The following SOBP variants were observed in gnomAD, a reference collection of about 807,000 sequenced individuals.
The protein encoded by SOBP is sine oculis binding protein homolog.
Under a neutral mutation model 53.6 loss-of-function variants are expected in SOBP, and 4 were observed. The observed-to-expected ratio is 0.07, with a 90% CI of 0.04 to 0.17. SOBP has a LOEUF of 0.17. Among genes scored for constraint, SOBP ranks in the 10% least tolerant of loss-of-function variants. SOBP has a pLI of 1.00. For missense variants in SOBP, 1,088 were observed against 1,204.7 expected (o/e 0.90, Z 1.43); for synonymous variants, 584 against 522.6 (o/e 1.12, Z -1.60).
In SOBP at chr6:107,634,573, C is replaced by T. The variant is rs200685194; in HGVS notation, c.1729C>T (p.Pro577Ser). 1.0e-3 allele frequency: 1,619 copies of T among 1,605,474 alleles called. 1 individual carries two copies. The highest frequency in any genetic ancestry group is 1.3e-3 in the Non-Finnish European group (1,517 of 1,179,706). ...PGDSAAAGGK[P>S]SGHSLSPRDS... ...CGACTCCGCGGCGGCGGGCGGCAAGCCAAGCGGACACTCCCTGTCCCCCCG... is the reference window on the plus strand; with the variant it reads ...CGACTCCGCGGCGGCGGGCGGCAAGTCAAGCGGACACTCCCTGTCCCCCCG... Residue 577 changes from proline (P) to serine (S), a missense_variant, in exon 6 of 7, where the codon CCA becomes TCA. Pro to Ser is a moderately conservative substitution (Grantham distance 74, BLOSUM62 -1). Coordinates refer to ENST00000317357, the MANE Select transcript of SOBP (RefSeq NM_018013.4). This position sits in a 1 kb window ranked among gnomAD's most constrained non-coding sequence, Gnocchi z 4.5.
chr6:107,601,974 C>G (rs528365051), intron 5 of SOBP, among the ~76,000 whole-genome samples: 1 of 152,314 alleles, frequency 6.6e-6, no homozygotes, highest in South Asian at 2.1e-4. Flanking sequence ...TGTAATTGCA[C>G]ATTAAGAAAG....
intron 5 of SOBP, among the ~76,000 whole-genome samples, chr6:107,597,630 A>G (rs1039865588): frequency 1.3e-5 from 2 of 152,230 alleles, no homozygotes; most frequent in Non-Finnish European, 2.9e-5. Context: ...ATGCATAAAA[A>G]TAAATAACAT....
intron 5 of SOBP, among the ~76,000 whole-genome samples, chr6:107,622,944 C>A (rs1275528040): frequency 6.6e-6 from 1 of 152,168 alleles, no homozygotes; most frequent in Admixed American, 6.6e-5. Flanking sequence ...AATTCCCCCC[C>A]ATGCCCTGTG....
rs1772009308 is a variant in SOBP, at chr6:107,655,809, G to A, written c.*4-2398G>A. Among the ~76,000 whole-genome samples the A allele has an allele frequency of 2.6e-5, 4 of 152,154 alleles. No homozygotes were observed. The South Asian group carries it at 6.2e-4, about 24-fold the overall frequency. On this transcript the variant is annotated intron_variant, in intron 6 of 6. Transcript: ENST00000317357. Reference sequence around the variant, plus strand: ...TTCTTTAAGTAGGCTGATGCTGTCCGTGTTTGGTCTTTGTCCAAAGGTGAT... The same window carrying A: ...TTCTTTAAGTAGGCTGATGCTGTCCATGTTTGGTCTTTGTCCAAAGGTGAT...
chr6:107,606,385 G>A (rs1289914108), intron 5 of SOBP, among the ~76,000 whole-genome samples: 10 of 152,042 alleles, frequency 6.6e-5, no homozygotes, highest in Non-Finnish European at 1.5e-5. Context: ...CCCCTAGATA[G>A]CACTCTTATC....
intron 5 of SOBP, among the ~76,000 whole-genome samples, chr6:107,594,779 T>C (rs1256102226): frequency 6.6e-6 from 1 of 152,200 alleles, no homozygotes; most frequent in African/African-American, 2.4e-5. Context: ...CACCGTAACT[T>C]TTCTAAGTAG....
chr6:107,534,052 A>G (rs1461617347), intron 4 of SOBP, among the ~76,000 whole-genome samples: 1 of 152,214 alleles, frequency 6.6e-6, no homozygotes, highest in Non-Finnish European at 1.5e-5. Flanking sequence ...TCTTTTCAAA[A>G]TCTGGCCCAC....
At chr6:107,531,317 T>C (rs1185210365) in intron 3 of SOBP, among the ~76,000 whole-genome samples, 1 of 152,256 alleles carries the variant, frequency 6.6e-6, no homozygotes, top group Admixed American at 6.5e-5. Flanking sequence ...TTCACCAGAA[T>C]CAAGCTTACT....
chr6:107,622,937 T>G (rs1296569657), intron 5 of SOBP, among the ~76,000 whole-genome samples: 1 of 152,102 alleles, frequency 6.6e-6, no homozygotes, highest in Non-Finnish European at 1.5e-5. Context: ...AGTTAATAAT[T>G]CCCCCCCATG....
chr6:107,516,116 G>A (rs866276702), intron 3 of SOBP, among the ~76,000 whole-genome samples: 6 of 152,210 alleles, frequency 3.9e-5, no homozygotes, highest in Admixed American at 1.3e-4. Flanking sequence ...CCAATATTAC[G>A]TAATAGTGAA....
intron 5 of SOBP, among the ~76,000 whole-genome samples, chr6:107,598,487 G>A (rs1259674273): frequency 3.3e-5 from 5 of 152,170 alleles, no homozygotes; most frequent in South Asian, 2.1e-4. Flanking sequence ...GGGCCAGTTG[G>A]GAGACAGCCT....
chr6:107,623,460 G>A (rs1770309224), intron 5 of SOBP, among the ~76,000 whole-genome samples: 2 of 152,152 alleles, frequency 1.3e-5, no homozygotes, highest in South Asian at 4.1e-4. Context: ...TAAAGAGAAT[G>A]TTCTCTACAC....
intron 3 of SOBP, among the ~76,000 whole-genome samples, chr6:107,517,800 C>T (rs2114966069): frequency 6.6e-6 from 1 of 152,252 alleles, no homozygotes; most frequent in East Asian, 1.9e-4. Flanking sequence ...ATCTTGAATA[C>T]ACCAATATTT....
At chr6:107,572,325 G>A (rs895140298) in intron 4 of SOBP, among the ~76,000 whole-genome samples, 7 of 133,130 alleles carry the variant, frequency 5.3e-5, no homozygotes, top group Non-Finnish European at 8.4e-5. Flanking sequence ...TTTTTTTAAG[G>A]CAGAGTTTTG....
At chr6:107,628,537 T>G (rs1381583919) in intron 5 of SOBP, among the ~76,000 whole-genome samples, 1 of 152,168 alleles carries the variant, frequency 6.6e-6, no homozygotes, top group Non-Finnish European at 1.5e-5. Context: ...ATAAAACACA[T>G]GTAAAACATG....
chr6:107,541,356 AT>A (rs1254869561), intron 4 of SOBP, among the ~76,000 whole-genome samples: 2 of 152,198 alleles, frequency 1.3e-5, no homozygotes, highest in Admixed American at 6.5e-5. Context: ...ATTTAAAGGT[AT>A]TTAACCACCT....
intron 5 of SOBP, among the ~76,000 whole-genome samples, chr6:107,592,109 T>C (rs1395850858): frequency 1.3e-5 from 2 of 152,136 alleles, no homozygotes; most frequent in Non-Finnish European, 1.5e-5. Context: ...TGGTTATATA[T>C]TGTGCTTTTC....
rs1782548664 is a variant in SOBP, at chr6:107,490,488, C to G, written c.-129C>G. 1.4e-6 allele frequency: 1 copy of G among 698,898 alleles called. No individual in the cohort carries two copies. The highest frequency in any genetic ancestry group is 2.8e-5 in the East Asian group (1 of 35,762). The allele number at this position is 698,898 out of a possible 1,614,324, so 43.3% of individuals were successfully genotyped here. A position where few individuals can be genotyped will look rare whatever the true frequency, so the allele number is the denominator to read the frequency against. ...CCTCCCCCTCGCGGCTCGGTCCGGC[C>G]CCGCCAGCACCGCTACCTCCGCCAG... On this transcript the variant is annotated 5_prime_UTR_variant, in exon 1 of 7. Transcript: ENST00000317357.
intron 6 of SOBP, among the ~76,000 whole-genome samples, chr6:107,653,610 A>C (rs183943583): frequency 6.6e-6 from 1 of 152,352 alleles, no homozygotes; most frequent in East Asian, 1.9e-4. Flanking sequence ...TTGCCTTCTA[A>C]ATGAGGAAGA....
Sources: gnomAD v4.1 joint callset for allele counts (sites outside exome capture counted in the v4.1 genomes callset) on GRCh38, gnomAD v4.1.1 for gene constraint, Gnocchi (gnomAD v3.1) non-coding constraint, MANE v1.5 for transcripts, NCBI Gene and HGNC (gene_info 2026-07-23, HGNC 2026-07-21) for gene names.